Variants in POTEC observed in about 807,000 individuals in gnomAD.
The protein encoded by POTEC is ANKRD26-like family B member 2.
Under a neutral mutation model 62.0 loss-of-function variants are expected in POTEC, and 35 were observed. That is an observed-to-expected ratio of 0.56 (90% CI 0.43 to 0.75). The LOEUF (loss-of-function observed/expected upper bound fraction) is 0.75, where lower values mean the gene tolerates loss of function less well. Ranked by LOEUF, POTEC falls within the 30% of genes least tolerant of loss-of-function variation. The pLI, the probability that POTEC is intolerant of heterozygous loss-of-function variation, is 0.00. For synonymous variants in POTEC, 156 were observed against 221.5 expected (o/e 0.70, Z 2.62); for missense variants, 472 against 655.9 (o/e 0.72, Z 3.06).
rs1257163687 is a variant in POTEC, at chr18:14,521,581, T to C, written c.1409+673A>G. Among the ~76,000 whole-genome samples, 5 of 152,176 alleles carry C rather than the reference T, an allele frequency of 3.3e-5. 1 individual carries two copies. The East Asian group carries it at 9.6e-4, about 29-fold the overall frequency. On this transcript the variant is annotated intron_variant, in intron 9 of 10. Coordinates refer to ENST00000358970, the MANE Select transcript of POTEC (RefSeq NM_001137671.2). ...CAAATCTATACAAATATCCTTAACATACCTACATATCCTTACTATGTTATA... is the reference window on the plus strand; with the variant it reads ...CAAATCTATACAAATATCCTTAACACACCTACATATCCTTACTATGTTATA...
At chr18:14,532,103 T>C (rs1262819857) in intron 5 of POTEC, among the ~76,000 whole-genome samples, 3 of 151,712 alleles carry the variant, frequency 2.0e-5, no homozygotes, top group Admixed American at 1.3e-4. Flanking sequence ...ATAGATCTGG[T>C]AGCAAAGAAG....
chr18:14,540,564 C>A (rs1263097440), intron 1 of POTEC, among the ~76,000 whole-genome samples: 1 of 152,092 alleles, frequency 6.6e-6, no homozygotes, highest in East Asian at 1.9e-4. Flanking sequence ...TCTACTGACA[C>A]CCTCAATGGT....
At chr18:14,520,432 T>C (rs1910280940) in intron 9 of POTEC, among the ~76,000 whole-genome samples, 1 of 151,852 alleles carries the variant, frequency 6.6e-6, no homozygotes, top group African/African-American at 2.4e-5. Context: ...TCTTGCTTGA[T>C]AAAAATCAGC....
chr18:14,512,761 A>G (rs901763231), intron 10 of POTEC, among the ~76,000 whole-genome samples: 39 of 146,472 alleles, frequency 2.7e-4, no homozygotes, highest in Non-Finnish European at 4.0e-4. Flanking sequence ...ACAGTGCAAG[A>G]CTCCATCTAG....
intron 6 of POTEC, among the ~76,000 whole-genome samples, chr18:14,529,806 T>C (rs1351059193): frequency 6.6e-6 from 1 of 151,994 alleles, no homozygotes; most frequent in African/African-American, 2.4e-5. Context: ...AGGAATGAAG[T>C]CAGTAAGAGT....
rs1567908460 is a variant in POTEC at position 14,510,214 on chromosome 18, A to C, written c.*1684T>G. 1.3e-5 allele frequency: 2 copies of C among 152,256 alleles called. No individual in the cohort carries two copies. The highest frequency in any genetic ancestry group is 1.9e-4 in the East Asian group (1 of 5,176). 9.4% of individuals were successfully genotyped at this position (152,256 alleles called of 1,614,324 possible). A position where few individuals can be genotyped will look rare whatever the true frequency, so the allele number is the denominator to read the frequency against. ...AGTAAGGGGTGTGTTGTACCTGTGG[A>C]AGATGGACTGACTTGTTCCTTGTGT... On this transcript the variant is annotated 3_prime_UTR_variant, in exon 11 of 11. Coordinates refer to ENST00000358970, the MANE Select transcript of POTEC (RefSeq NM_001137671.2).
At chr18:14,525,394 G>C (rs946020696) in intron 6 of POTEC, among the ~76,000 whole-genome samples, 2 of 152,104 alleles carry the variant, frequency 1.3e-5, no homozygotes, top group Admixed American at 1.3e-4. Flanking sequence ...CAGGGCCCAG[G>C]AAAGGTCGTG....
chr18:14,531,426 ACT>A (rs1905513576), intron 5 of POTEC, among the ~76,000 whole-genome samples: 1 of 152,000 alleles, frequency 6.6e-6, no homozygotes, highest in African/African-American at 2.4e-5. Flanking sequence ...CCAAAACTCT[ACT>A]TTTATTTTTT....
chr18:14,542,373 C>A (rs1905965751), intron 1 of POTEC, among the ~76,000 whole-genome samples: 1 of 152,006 alleles, frequency 6.6e-6, no homozygotes, highest in African/African-American at 2.4e-5. Context: ...CTTAATTTTG[C>A]GAGTTAAATC....
intron 10 of POTEC, among the ~76,000 whole-genome samples, chr18:14,512,841 A>ACTG (rs1341447573): frequency 6.6e-6 from 1 of 152,188 alleles, no homozygotes; most frequent in Non-Finnish European, 1.5e-5. Context: ...TTCTGATGCT[A>ACTG]CTGCTAGTGA....
chr18:14,516,946 C>A (rs949175451), intron 9 of POTEC, among the ~76,000 whole-genome samples: 6 of 150,792 alleles, frequency 4.0e-5, no homozygotes, highest in African/African-American at 1.5e-4. Flanking sequence ...AGTATCACTA[C>A]CATATACATA....
rs1200367165 is a variant in POTEC at position 14,511,784 on chromosome 18, A to G, written c.*114T>C. The G allele has an allele frequency of 2.6e-6, 3 of 1,138,394 alleles. No homozygotes were observed. Among genetic ancestry groups the G allele is most frequent in the Admixed American group, 3.6e-5 (2 of 55,156 alleles). The allele number at this position is 1,138,394 out of a possible 1,614,324, so 70.5% of individuals were successfully genotyped here. A position where few individuals can be genotyped will look rare whatever the true frequency, so the allele number is the denominator to read the frequency against. ...TGTACTTAAATATTGGTTTTCGTTA[A>G]TGCTTCTTCATTCAATTGCATAGCC... On this transcript the variant is annotated 3_prime_UTR_variant, in exon 11 of 11. Coordinates refer to ENST00000358970, the MANE Select transcript of POTEC (RefSeq NM_001137671.2).
intron 10 of POTEC, 64 bp from the exon 11 acceptor site, chr18:14,512,057 A>C (rs1214455332): frequency 1.6e-5 from 20 of 1,274,538 alleles, no homozygotes; most frequent in Non-Finnish European, 3.3e-6. Context: ...ATTTCTTCTA[A>C]AATTAAAGAA....
At chr18:14,532,638 A>C (rs1318021198) in intron 5 of POTEC, among the ~76,000 whole-genome samples, 18 of 152,136 alleles carry the variant, frequency 1.2e-4, no homozygotes, top group Admixed American at 1.2e-3. Flanking sequence ...CCTTGGATTT[A>C]GTGAACCCCT....
In POTEC at chr18:14,510,072, G is replaced by A. The variant is rs1374584666; in HGVS notation, c.*1826C>T. 1.3e-5 allele frequency: 2 copies of A among 148,606 alleles called. No individual in the cohort carries two copies. The highest frequency in any genetic ancestry group is 2.5e-5 in the African/African-American group (1 of 39,660). 9.2% of individuals were successfully genotyped at this position (148,606 alleles called of 1,614,324 possible). The stretch of plus-strand genomic sequence containing the variant: ...GACTTGCTGCTCCACTACTTTCCTT[G>A]TCTCCTGGGGGCTCCACCCCAGAGA... On this transcript the variant is annotated 3_prime_UTR_variant, in exon 11 of 11. Transcript: ENST00000358970.
intron 9 of POTEC, among the ~76,000 whole-genome samples, chr18:14,521,848 C>G (rs1910318172): frequency 6.6e-6 from 1 of 152,092 alleles, no homozygotes; most frequent in Admixed American, 6.6e-5. Context: ...ACACCAGGGT[C>G]TACTTGAGGG....
chr18:14,529,026 T>A, intron 6 of POTEC: 1 of 454,526 alleles, frequency 2.2e-6, no homozygotes. Flanking sequence ...CTGCCAAACA[T>A]TATTCTTCTG....
chr18:14,535,759 A>G (rs1314131735), intron 3 of POTEC, among the ~76,000 whole-genome samples: 1 of 152,028 alleles, frequency 6.6e-6, no homozygotes, highest in Non-Finnish European at 1.5e-5. Flanking sequence ...TCTGCTCTTA[A>G]AAACGACTTA....
chr18:14,515,090 G>T (rs1305862130), intron 9 of POTEC, among the ~76,000 whole-genome samples: 1 of 152,024 alleles, frequency 6.6e-6, no homozygotes, highest in African/African-American at 2.4e-5. Flanking sequence ...CTATGTTCCT[G>T]GACTGAAAGC....
Sources: allele counts gnomAD v4.1 joint callset (sites outside exome capture counted in the v4.1 genomes callset), GRCh38; gene constraint gnomAD v4.1.1; transcripts MANE v1.5; gene names NCBI Gene and HGNC (gene_info 2026-07-23, HGNC 2026-07-21).